ZFAT: variants seen among roughly 807,000 people sequenced by gnomAD.
ZFAT encodes zinc finger protein ZFAT.
A neutral mutation model predicts 117.7 loss-of-function variants in ZFAT; 64 were observed. That is an observed-to-expected ratio of 0.54 (90% CI 0.44 to 0.67). The LOEUF is 0.67. ZFAT is among the 30% of genes least tolerant of loss of function. The pLI, the probability that ZFAT is intolerant of heterozygous loss-of-function variation, is 0.00. For missense variants in ZFAT, 1,433 were observed against 1,584.5 expected (o/e 0.90, Z 1.62); for synonymous variants, 679 against 615.0 (o/e 1.10, Z -1.54).
intron 1 of ZFAT, among the ~76,000 whole-genome samples, chr8:134,658,694 A>G (rs2045240433): frequency 6.6e-6 from 1 of 152,268 alleles, no homozygotes; most frequent in South Asian, 2.1e-4. Flanking sequence ...TAAATTCAGG[A>G]TTCAATAACA....
intron 1 of ZFAT, among the ~76,000 whole-genome samples, chr8:134,677,735 A>G (rs1213508751): frequency 6.6e-6 from 1 of 152,228 alleles, no homozygotes; most frequent in East Asian, 1.9e-4. Context: ...GCAGCACATC[A>G]AAAAGCTTGT....
At chr8:134,790,692 T>C in the ZFAT span, among the ~76,000 whole-genome samples, 55 of 152,316 alleles carry the variant, frequency 3.6e-4, no homozygotes, top group African/African-American at 1.2e-3. Context: ...TCTTCTGTGC[T>C]GCATTCTAGC....
intron 5 of ZFAT, among the ~76,000 whole-genome samples, 194 bp downstream of exon 5, chr8:134,608,535 A>AC (rs1828060541): frequency 6.6e-6 from 1 of 152,178 alleles, no homozygotes; most frequent in Non-Finnish European, 1.5e-5. Flanking sequence ...TCTGCAACAC[A>AC]CTGGAGGCTC....
chr8:134,506,033 G>A (rs1049699695), intron 15 of ZFAT, among the ~76,000 whole-genome samples: 3 of 152,282 alleles, frequency 2.0e-5, no homozygotes, highest in East Asian at 3.9e-4. Context: ...TTTAAGCCAT[G>A]AGCCACTGGT....
chr8:134,817,023 A>C, the ZFAT span, among the ~76,000 whole-genome samples: 1 of 152,122 alleles, frequency 6.6e-6, no homozygotes, highest in Non-Finnish European at 1.5e-5. Context: ...AAGTATTTTA[A>C]AATATGAAAT....
At chr8:134,671,882 A>G (rs1217020408) in intron 1 of ZFAT, among the ~76,000 whole-genome samples, 2 of 152,242 alleles carry the variant, frequency 1.3e-5, no homozygotes, top group Non-Finnish European at 2.9e-5. Context: ...AATCTCCTTA[A>G]GCTGATAAGC....
At chr8:134,618,868 C>T (rs1828917287) in intron 3 of ZFAT, among the ~76,000 whole-genome samples, 1 of 152,126 alleles carries the variant, frequency 6.6e-6, no homozygotes, top group Admixed American at 6.6e-5. Flanking sequence ...TTTGTAATAC[C>T]TTAGTGTACA....
intron 2 of ZFAT, among the ~76,000 whole-genome samples, chr8:134,640,664 AT>A (rs1477660787): frequency 6.6e-6 from 1 of 152,226 alleles, no homozygotes; most frequent in East Asian, 1.9e-4. Context: ...CAAGGAAAAA[AT>A]AAAATCGGCC....
At chr8:134,668,933 G>C (rs1249734307) in intron 1 of ZFAT, among the ~76,000 whole-genome samples, 6 of 152,196 alleles carry the variant, frequency 3.9e-5, no homozygotes, top group Non-Finnish European at 8.8e-5. Context: ...GAAAACCATG[G>C]CAGGAGAACT....
intron 2 of ZFAT, among the ~76,000 whole-genome samples, chr8:134,653,426 T>TTG (rs1252146083): frequency 1.5e-5 from 2 of 137,042 alleles, no homozygotes; most frequent in Admixed American, 1.5e-4. Flanking sequence ...TCTGTTTTTT[T>TTG]TTTTTTTTTT....
Position 134,602,598 on chromosome 8 carries a change from C to A in ZFAT, c.1121G>T (p.Arg374Leu). ...SDVKNLIKHI[R>L]DAHDPQDKKV... ...CTTGTCCTGTGGGTCATGCGCGTCT[C>A]GGATGTGCTTGATGAGGTTCTTGAC... Residue 374 changes from arginine to leucine, a missense_variant, in exon 6 of 16, where the codon CGA becomes CTA. This residue lies in a region of ZFAT where 436 missense variants were observed against 482.0 expected (regional missense o/e 0.90). Coordinates refer to ENST00000377838, the MANE Select transcript of ZFAT (RefSeq NM_020863.4). 6.2e-7 allele frequency: 1 copy of A among 1,614,140 alleles called. No individual in the cohort carries two copies. Among genetic ancestry groups the A allele is most frequent in the Non-Finnish European group, 8.5e-7 (1 of 1,180,048 alleles).
chr8:134,805,072 T>C, the ZFAT span: 1 of 312,234 alleles, frequency 3.2e-6, no homozygotes, highest in Non-Finnish European at 6.7e-6. Flanking sequence ...ACAAAAATGA[T>C]AAAGTTAATG....
chr8:134,501,221 G>GC (rs1307671545), intron 15 of ZFAT, among the ~76,000 whole-genome samples: 6 of 152,164 alleles, frequency 3.9e-5, no homozygotes, highest in Non-Finnish European at 8.8e-5. Context: ...TGAGGCCTAA[G>GC]AAGCACACTG....
chr8:134,585,907 A>G (rs1236144404), intron 9 of ZFAT, among the ~76,000 whole-genome samples: 2 of 152,260 alleles, frequency 1.3e-5, no homozygotes, highest in South Asian at 2.1e-4. Flanking sequence ...ACAGGTATGC[A>G]CAAAATTCTA....
chr8:134,477,921 ACCTC>A lies in ZFAT; in HGVS notation c.*557_*560del. On this transcript the variant is annotated 3_prime_UTR_variant, in exon 16 of 16. Transcript: ENST00000377838. The stretch of plus-strand genomic sequence containing the variant: ...GCGAGACCCTGTGATGGGTGAATTT[ACCTC>A]ACTTGATACCAAGGGCCCTTAATAC... 2 of 153,824 alleles carry A rather than the reference ACCTC, an allele frequency of 1.3e-5. No homozygotes were observed. Among genetic ancestry groups the A allele is most frequent in the Non-Finnish European group, 2.9e-5 (2 of 69,076 alleles). The allele number at this position is 153,824 out of a possible 1,614,324, so 9.5% of individuals were successfully genotyped here.
chr8:134,818,912 A>G, the ZFAT span, among the ~76,000 whole-genome samples: 3 of 152,260 alleles, frequency 2.0e-5, no homozygotes, highest in Non-Finnish European at 4.4e-5. Flanking sequence ...ATGGTTGCCT[A>G]GAGAATGCAG....
chr8:134,781,752 CT>C, the ZFAT span, among the ~76,000 whole-genome samples: 1 of 152,122 alleles, frequency 6.6e-6, no homozygotes, highest in Non-Finnish European at 1.5e-5. Flanking sequence ...ATCAACCCCC[CT>C]CTTCCTCCCC....
intron 3 of ZFAT, among the ~76,000 whole-genome samples, chr8:134,632,626 T>C (rs973526663): frequency 2.0e-5 from 3 of 151,918 alleles, no homozygotes; most frequent in Admixed American, 6.6e-5. Flanking sequence ...TTGTAAACTA[T>C]GATAAAAGGG....
intron 7 of ZFAT, among the ~76,000 whole-genome samples, chr8:134,590,646 C>CCACCAA (rs1554594688): frequency 1.0e-5 from 1 of 96,898 alleles, no homozygotes; most frequent in Non-Finnish European, 2.2e-5. Context: ...ATAGTCATCA[C>CCACCAA]CACCACCACC....
Sources: allele counts gnomAD v4.1 joint callset (sites outside exome capture counted in the v4.1 genomes callset), GRCh38; gene constraint gnomAD v4.1.1; regional missense constraint gnomAD v4.1.1; transcripts MANE v1.5; gene names NCBI Gene and HGNC (gene_info 2026-07-23, HGNC 2026-07-21).